The following ABCE1 variants were observed in gnomAD, a reference collection of about 807,000 sequenced individuals.
ABCE1 encodes the protein ATP-binding cassette sub-family E member 1.
Under a neutral mutation model 83.4 loss-of-function variants are expected in ABCE1, and 22 were observed. The observed-to-expected ratio is 0.26, with a 90% CI of 0.19 to 0.38. The LOEUF (loss-of-function observed/expected upper bound fraction) is 0.38. Ranked by LOEUF, ABCE1 falls within the 10% of genes least tolerant of loss-of-function variation. ABCE1 has a pLI of 1.00. For missense variants in ABCE1, 330 were observed against 721.9 expected, an observed-to-expected ratio of 0.46 and a Z score of 6.22; for synonymous variants, 204 against 233.7, an observed-to-expected ratio of 0.87 and a Z score of 1.16.
chr4:145,121,106 A>G (rs1016265722), intron 11 of ABCE1, 68 bp from the exon 12 acceptor site: 1 of 1,500,628 alleles, frequency 6.7e-7, no homozygotes, highest in Middle Eastern at 2.4e-4. Flanking sequence ...AAAACCAAAT[A>G]GGACATAGTG....
intron 8 of ABCE1, among the ~76,000 whole-genome samples, chr4:145,111,978 G>A (rs1749488854): frequency 6.6e-6 from 1 of 152,184 alleles, no homozygotes; most frequent in South Asian, 2.1e-4. Flanking sequence ...TTTATGAGGA[G>A]TGACCAATTT....
At chr4:145,111,237 A>G (rs1363020175) in intron 8 of ABCE1, 173 bp downstream of exon 8, 7 of 457,772 alleles carry the variant, frequency 1.5e-5, no homozygotes, top group Non-Finnish European at 2.7e-5. Context: ...TTTCCCTGTT[A>G]TATTCACAGG....
At chr4:145,107,031 G>C (rs1262225097) in intron 3 of ABCE1, among the ~76,000 whole-genome samples, 1 of 152,018 alleles carries the variant, frequency 6.6e-6, no homozygotes, top group Non-Finnish European at 1.5e-5. Context: ...ATGTACCTCT[G>C]TAGTTGTCTG....
At chr4:145,115,949 A>G (rs889519277) in intron 9 of ABCE1, among the ~76,000 whole-genome samples, 1 of 151,946 alleles carries the variant, frequency 6.6e-6, no homozygotes, top group African/African-American at 2.4e-5. Context: ...CAAAAATAAT[A>G]AAAGTCCAAG....
chr4:145,123,061 C>T lies in ABCE1; in HGVS notation c.1304C>T (p.Ala435Val). 1.9e-6 allele frequency: 3 copies of T among 1,605,256 alleles called. No homozygotes were observed. The highest frequency in any genetic ancestry group is 1.7e-6 in the Non-Finnish European group (2 of 1,177,266). The change falls in exon 14 of 18, where the codon GCT (alanine) becomes GTT (valine). Residue 435 changes from alanine to valine, a missense_variant. Ala to Val is a moderately conservative substitution (Grantham distance 64). Transcript: ENST00000296577. Reference protein sequence around the residue: ...RQLLHEKIRDAYTHPQFVTDV... With the variant: ...RQLLHEKIRDVYTHPQFVTDV... ...TTACTACATGAAAAGATAAGAGATG[C>T]TTATACTCACCCACAATTTGTGACC...
rs1027512094 is a variant in ABCE1, at chr4:145,124,360, T to C, written c.1641-630T>C. ...GGCTTCTTCCCTGAATTCCTTTTTT[T>C]TTTTTATAAATTGAGAATTACATAT... is the stretch of plus-strand genomic sequence containing the variant. On this transcript the variant is annotated intron_variant, in intron 16 of 17. Transcript: ENST00000296577. Among the ~76,000 whole-genome samples the C allele has an allele frequency of 9.2e-5, 14 of 152,268 alleles. No individual in the cohort carries two copies. In the East Asian group the frequency reaches 1.3e-3, roughly 15 times the overall value.
Position 145,121,279 on chromosome 4 carries a change from A to G in ABCE1, c.1204+46A>G, listed in dbSNP as rs757265020. ...TCTTTTTACTCTGTTTTACACAGTA[A>G]ACTTTAAAGATCTGGGCAGTTTTTA... On this transcript the variant is annotated intron_variant, in intron 12 of 17. Transcript: ENST00000296577. 5 of 1,612,436 alleles carry G rather than the reference A, an allele frequency of 3.1e-6. No homozygotes were observed. In the South Asian group the frequency reaches 5.5e-5, roughly 18 times the overall value.
rs140985655 is a variant in ABCE1 at position 145,119,771 on chromosome 4, TTAAA to T, written c.923-158_923-155del. ...TATTCATGAATTATTTAAACTTACA[TTAAA>T]TATATATAGTTTTTTAAGTTACTTC... is the stretch of plus-strand genomic sequence containing the variant. On this transcript the variant is annotated intron_variant, in intron 10 of 17. Transcript: ENST00000296577. Among the ~76,000 whole-genome samples, 919 of 152,050 alleles carry T rather than the reference TTAAA, an allele frequency of 6.0e-3. 10 individuals carry two copies. The highest frequency in any genetic ancestry group is 0.021 in the African/African-American group (892 of 41,522).
At chr4:145,122,393 G>C (rs1749769694) in intron 13 of ABCE1, 1 of 152,088 alleles carries the variant, frequency 6.6e-6, no homozygotes, top group African/African-American at 2.4e-5. Flanking sequence ...GATTGCCTAA[G>C]GTTGCTTGAT....
intron 1 of ABCE1, among the ~76,000 whole-genome samples, chr4:145,101,297 A>G (rs193279463): frequency 2.0e-5 from 3 of 152,310 alleles, no homozygotes; most frequent in African/African-American, 7.2e-5. Flanking sequence ...ATCTTGAAGC[A>G]AGAACATGCC....
chr4:145,105,290 A>G (rs934906167), intron 2 of ABCE1, among the ~76,000 whole-genome samples: 1 of 152,108 alleles, frequency 6.6e-6, no homozygotes, highest in African/African-American at 2.4e-5. Flanking sequence ...TAGGTTAATC[A>G]GCTTAAAAAT....
intron 11 of ABCE1, among the ~76,000 whole-genome samples, chr4:145,120,381 T>G (rs1044545596): frequency 5.3e-5 from 8 of 152,076 alleles, no homozygotes; most frequent in Non-Finnish European, 1.0e-4. Flanking sequence ...TAACCTCTAG[T>G]GAAAATAAGG....
intron 9 of ABCE1, among the ~76,000 whole-genome samples, chr4:145,114,684 G>C (rs1364218729): frequency 6.6e-6 from 1 of 151,838 alleles, no homozygotes; most frequent in African/African-American, 2.4e-5. Context: ...ACTAGTTAAG[G>C]AAAAGTAATA....
intron 3 of ABCE1, among the ~76,000 whole-genome samples, chr4:145,106,108 A>G (rs1206360068): frequency 1.3e-5 from 2 of 151,898 alleles, no homozygotes; most frequent in Admixed American, 6.6e-5. Flanking sequence ...ATTTTTCCCA[A>G]TAGTATAATA....
intron 17 of ABCE1, among the ~76,000 whole-genome samples, chr4:145,126,910 A>G (rs774764027): frequency 6.6e-6 from 1 of 152,166 alleles, no homozygotes; most frequent in Non-Finnish European, 1.5e-5. Context: ...GAGTTTTCTC[A>G]GTTTTGAAAA....
intron 9 of ABCE1, among the ~76,000 whole-genome samples, chr4:145,113,827 G>C (rs1749544214): frequency 6.6e-6 from 1 of 152,114 alleles, no homozygotes; most frequent in South Asian, 2.1e-4. Flanking sequence ...AGATGGGTTA[G>C]GGACAGCAGA....
chr4:145,126,247 G>C (rs535417164), intron 17 of ABCE1, among the ~76,000 whole-genome samples: 2 of 152,170 alleles, frequency 1.3e-5, no homozygotes, highest in East Asian at 3.9e-4. Context: ...GAAACAGAAA[G>C]TAAATGAACT....
intron 4 of ABCE1, among the ~76,000 whole-genome samples, chr4:145,108,374 G>C (rs1749366475): frequency 6.6e-6 from 1 of 152,156 alleles, no homozygotes; most frequent in Non-Finnish European, 1.5e-5. Flanking sequence ...CTGGACCTTA[G>C]TATATTGAAA....
At chr4:145,111,100 G>T (rs188014258) in intron 8 of ABCE1, 36 bp downstream of exon 8, 5 of 1,415,530 alleles carry the variant, frequency 3.5e-6, no homozygotes, top group Non-Finnish European at 4.9e-6. Context: ...ATCTTCATCC[G>T]TATTGTAGAG....
Sources: gnomAD v4.1 joint callset for allele counts (sites outside exome capture counted in the v4.1 genomes callset) on GRCh38, gnomAD v4.1.1 for gene constraint, MANE v1.5 for transcripts, NCBI Gene and HGNC (gene_info 2026-07-23, HGNC 2026-07-21) for gene names.